The following ANKS1B variants were observed in gnomAD, a reference collection of about 807,000 sequenced individuals.
ANKS1B encodes ankyrin repeat and sterile alpha motif domain containing 1B.
Under a neutral mutation model 148.3 loss-of-function variants are expected in ANKS1B, and 36 were observed. The ratio of observed to expected loss-of-function variants is 0.24; its 90% CI spans 0.19 to 0.32. The LOEUF (loss-of-function observed/expected upper bound fraction) is 0.32. Ranked by LOEUF, ANKS1B falls within the 10% of genes least tolerant of loss-of-function variation. The pLI is 1.00. For synonymous variants in ANKS1B, 542 were observed against 560.8 expected (o/e 0.97, Z 0.47); for missense variants, 1,157 against 1,542.6 (o/e 0.75, Z 4.19).
chr12:99,282,676 G>A (rs1159752464), intron 12 of ANKS1B, among the ~76,000 whole-genome samples: 1 of 152,108 alleles, frequency 6.6e-6, no homozygotes, highest in South Asian at 2.1e-4. Flanking sequence ...TGTATCGGAT[G>A]TGCCATATCA....
chr12:99,552,772 G>A (rs1463839679), intron 9 of ANKS1B, among the ~76,000 whole-genome samples: 1 of 152,122 alleles, frequency 6.6e-6, no homozygotes, highest in Non-Finnish European at 1.5e-5. Context: ...ATAGAAAATG[G>A]TGTTGTATTT....
rs368245998 is a variant in ANKS1B, at chr12:98,883,735, G to A, written c.2779-51599C>T. Among the ~76,000 whole-genome samples the A allele has an allele frequency of 9.2e-5, 14 of 152,334 alleles. 1 individual carries two copies. The highest frequency in any genetic ancestry group is 3.1e-4 in the African/African-American group (13 of 41,584). On this transcript the variant is annotated intron_variant, in intron 17 of 26. Transcript: ENST00000683438. Reference sequence around the variant, plus strand: ...GCCGAAAGCCCAGAGAGATTGAGTAGTTGGAAGTTGTGCAACGATATAACT... The same window carrying A: ...GCCGAAAGCCCAGAGAGATTGAGTAATTGGAAGTTGTGCAACGATATAACT...
intron 21 of ANKS1B, among the ~76,000 whole-genome samples, chr12:98,800,673 G>GAT (rs753914387): frequency 7.3e-5 from 1 of 13,712 alleles, no homozygotes; most frequent in Non-Finnish European, 1.6e-4. Context: ...TGAGTGAGCA[G>GAT]AGATATATAT....
intron 17 of ANKS1B, among the ~76,000 whole-genome samples, chr12:98,873,680 A>G (rs2099678919): frequency 6.6e-6 from 1 of 152,192 alleles, no homozygotes; most frequent in Admixed American, 6.5e-5. Context: ...CCGGCCCTAG[A>G]GCATCCAACC....
chr12:99,608,733 G>A (rs1240590145), intron 9 of ANKS1B, among the ~76,000 whole-genome samples: 1 of 152,080 alleles, frequency 6.6e-6, no homozygotes, highest in Non-Finnish European at 1.5e-5. Flanking sequence ...ACCACAAAAA[G>A]GAGGTCAGGG....
intron 9 of ANKS1B, among the ~76,000 whole-genome samples, chr12:99,578,818 C>A (rs931241174): frequency 6.6e-6 from 1 of 152,018 alleles, no homozygotes; most frequent in Admixed American, 6.6e-5. Flanking sequence ...AAACTACCAA[C>A]ATCATTTTTC....
chr12:99,806,485 C>T lies in ANKS1B; in HGVS notation c.588G>A (p.Thr196=), dbSNP rs565638822. ...NLMSCNTRKH[T]PLHLAARNGH... is the part of the protein sequence containing the mutation. ...CATTGCGCGCAGCAAGGTGAAGTGG[C>T]GTGTGCTTGCGAGTGTTGCAGCTCA... The change falls in exon 4 of 27, where the codon ACG becomes ACA. Residue 196 remains threonine, a synonymous_variant. Transcript: ENST00000683438. 103 of 1,613,946 alleles carry T rather than the reference C, an allele frequency of 6.4e-5. 1 individual carries two copies. The highest frequency in any genetic ancestry group is 4.9e-4 in the South Asian group (45 of 91,092).
chr12:99,576,214 T>C (rs965862086), intron 9 of ANKS1B, among the ~76,000 whole-genome samples: 4 of 152,064 alleles, frequency 2.6e-5, no homozygotes, highest in East Asian at 1.9e-4. Flanking sequence ...CCTAGATATA[T>C]AGGCACCCAA....
intron 12 of ANKS1B, among the ~76,000 whole-genome samples, chr12:99,369,633 T>C (rs1337203488): frequency 6.6e-6 from 1 of 151,974 alleles, no homozygotes; most frequent in Non-Finnish European, 1.5e-5. Context: ...AATGCTCTTT[T>C]CTATATGTAT....
intron 9 of ANKS1B, among the ~76,000 whole-genome samples, chr12:99,567,426 C>A (rs1224481192): frequency 6.6e-6 from 1 of 152,032 alleles, no homozygotes; most frequent in Non-Finnish European, 1.5e-5. Flanking sequence ...TACCAGAGTT[C>A]TCACTCCCCC....
chr12:98,852,430 A>C (rs2099534432), intron 17 of ANKS1B, among the ~76,000 whole-genome samples: 1 of 152,056 alleles, frequency 6.6e-6, no homozygotes, highest in South Asian at 2.1e-4. Context: ...GTGTTGCCAA[A>C]TTCTGCAATC....
chr12:99,912,939 G>T (rs2153788722), intron 1 of ANKS1B, among the ~76,000 whole-genome samples: 2 of 152,198 alleles, frequency 1.3e-5, no homozygotes, highest in Middle Eastern at 6.8e-3. Flanking sequence ...GTTAGGCATG[G>T]TTTGTTTGTG....
At chr12:99,826,414 T>A (rs2083197118) in intron 1 of ANKS1B, among the ~76,000 whole-genome samples, 1 of 152,086 alleles carries the variant, frequency 6.6e-6, no homozygotes, top group Non-Finnish European at 1.5e-5. Context: ...CTAAGGTGGG[T>A]CAATGAAAAT....
chr12:99,749,544 T>A (rs369405572), intron 8 of ANKS1B, among the ~76,000 whole-genome samples: 10 of 152,094 alleles, frequency 6.6e-5, no homozygotes, highest in Admixed American at 5.9e-4. Flanking sequence ...TTTGAAGAGA[T>A]ACATGGAAAA....
chr12:98,918,716 T>A (rs972658080), intron 17 of ANKS1B, among the ~76,000 whole-genome samples: 1 of 152,234 alleles, frequency 6.6e-6, no homozygotes, highest in African/African-American at 2.4e-5. Flanking sequence ...GAGTCTACTT[T>A]AACACATTGT....
At chr12:99,162,981 C>T (rs1176372737) in intron 14 of ANKS1B, among the ~76,000 whole-genome samples, 1 of 151,958 alleles carries the variant, frequency 6.6e-6, no homozygotes, top group Non-Finnish European at 1.5e-5. Flanking sequence ...TCACTTGAAC[C>T]CAGGAGGTGG....
Position 98,894,801 on chromosome 12 carries a change from G to A in ANKS1B, c.2779-62665C>T, listed in dbSNP as rs887455373. On this transcript the variant is annotated intron_variant, in intron 17 of 26. Coordinates refer to ENST00000683438, the MANE Select transcript of ANKS1B (RefSeq NM_001352186.2). ...GCGAGGCGAGGGCGAGCGCGCCGAG[G>A]AAGGGCGGGAGAGGCGCGGAGCTTG... 1.1e-5 allele frequency: 11 copies of A among 984,454 alleles called. No homozygotes were observed. In the African/African-American group the frequency reaches 1.8e-4, roughly 16 times the overall value. The allele number at this position is 984,454 out of a possible 1,614,324, so 61.0% of individuals were successfully genotyped here. A position where few individuals can be genotyped will look rare whatever the true frequency, so the allele number is the denominator to read the frequency against.
intron 14 of ANKS1B, among the ~76,000 whole-genome samples, chr12:99,216,084 C>T (rs969761326): frequency 1.2e-4 from 19 of 152,120 alleles, no homozygotes; most frequent in South Asian, 2.1e-4. Flanking sequence ...ATAAGTCTCA[C>T]GAGATCTGAT....
At chr12:99,532,662 A>G (rs1386650758) in intron 9 of ANKS1B, among the ~76,000 whole-genome samples, 1 of 152,132 alleles carries the variant, frequency 6.6e-6, no homozygotes, top group East Asian at 1.9e-4. Flanking sequence ...GCCTGGTCAC[A>G]TTTAAGTTTT....
Sources: gnomAD v4.1 joint callset for allele counts (sites outside exome capture counted in the v4.1 genomes callset) on GRCh38, gnomAD v4.1.1 for gene constraint, MANE v1.5 for transcripts, NCBI Gene and HGNC (gene_info 2026-07-23, HGNC 2026-07-21) for gene names.